PC: variants seen among roughly 807,000 people sequenced by gnomAD.
The protein encoded by PC is pyruvate carboxylase.
In PC, 46 loss-of-function variants were observed where a neutral mutation model predicts 107.8. The observed-to-expected ratio is 0.43, with a 90% CI of 0.34 to 0.55. The LOEUF (loss-of-function observed/expected upper bound fraction) is 0.55, where lower values mean the gene tolerates loss of function less well. Among genes scored for constraint, PC ranks in the 20% least tolerant of loss-of-function variants. The probability of loss-of-function intolerance (pLI) is 0.04; values close to 1 mark genes in which losing one functional copy is unlikely to be tolerated. For synonymous variants in PC, 662 were observed against 684.7 expected, an observed-to-expected ratio of 0.97 and a Z score of 0.52; for missense variants, 1,241 against 1,643.1, an observed-to-expected ratio of 0.76 and a Z score of 4.23.
chr11:66,868,394 T>C (rs1381853410), intron 10 of PC, among the ~76,000 whole-genome samples: 1 of 152,260 alleles, frequency 6.6e-6, no homozygotes, highest in Non-Finnish European at 1.5e-5. Flanking sequence ...ATTTGAAAAG[T>C]AGAATAAAAA....
intron 12 of PC, among the ~76,000 whole-genome samples, chr11:66,855,984 G>A (rs1945787473): frequency 6.6e-6 from 1 of 152,154 alleles, no homozygotes; most frequent in Non-Finnish European, 1.5e-5. Flanking sequence ...GATGGCTGAG[G>A]TTTAGGTGGC....
chr11:66,957,760 G>A (rs1949601262), intron 1 of PC: 1 of 152,308 alleles, frequency 6.6e-6, no homozygotes, highest in Non-Finnish European at 1.5e-5. Flanking sequence ...AGCGGCCTTG[G>A]GCGAATCACT....
chr11:66,914,348 C>G, intron 3 of PC, among the ~76,000 whole-genome samples: 1 of 151,996 alleles, frequency 6.6e-6, no homozygotes, highest in African/African-American at 2.4e-5. Context: ...CCCGTCTCTA[C>G]TAAAAATACA....
chr11:66,858,012 C>T lies in PC; in HGVS notation c.1369-4629G>A, dbSNP rs1047561616. On this transcript the variant is annotated intron_variant, in intron 12 of 22. Coordinates refer to ENST00000393960, the MANE Select transcript of PC (RefSeq NM_001040716.2). The surrounding 1 kb of genome is among the most constrained non-coding windows in gnomAD (Gnocchi z 5.9). ...CAATGCCATCACCCGCATTGGGGCC[C>T]GCGCCTTTGGGGACCTCGAGAGCCT... The T allele has an allele frequency of 1.2e-6, 2 of 1,612,286 alleles. No homozygotes were observed. Among genetic ancestry groups the T allele is most frequent in the Non-Finnish European group, 1.7e-6 (2 of 1,179,946 alleles).
chr11:66,888,332 G>T (rs1947448283), intron 3 of PC, among the ~76,000 whole-genome samples: 1 of 152,260 alleles, frequency 6.6e-6, no homozygotes, highest in Non-Finnish European at 1.5e-5. Context: ...TACTAATCCA[G>T]TGGGGGTAAA....
Position 66,858,490 on chromosome 11 carries a change from C to A in PC, c.1369-5107G>T. 1 of 1,538,538 alleles carries A rather than the reference C, an allele frequency of 6.5e-7. No homozygotes were observed. ...GAGCTGCTGTGGCTGCGGCGGCTGG[C>A]GCGGCCGGACGACCTGGAAACGTGC... On this transcript the variant is annotated intron_variant, in intron 12 of 22. Coordinates refer to ENST00000393960, the MANE Select transcript of PC (RefSeq NM_001040716.2). The surrounding 1 kb of genome is among the most constrained non-coding windows in gnomAD (Gnocchi z 5.9).
chr11:66,850,502 G>A, intron 18 of PC, 38 bp from the exon 19 acceptor site: 6 of 1,613,304 alleles, frequency 3.7e-6, no homozygotes, highest in South Asian at 1.1e-5. Context: ...CCTTAGAAAT[G>A]TGTGACTCTT....
At chr11:66,889,896 T>A (rs1947504406) in intron 3 of PC, among the ~76,000 whole-genome samples, 1 of 143,524 alleles carries the variant, frequency 7.0e-6, no homozygotes, top group African/African-American at 2.5e-5. Context: ...ATTTTTTTCA[T>A]AAATGATATA....
chr11:66,913,510 A>C (rs1302595966), intron 3 of PC, among the ~76,000 whole-genome samples: 5 of 151,640 alleles, frequency 3.3e-5, no homozygotes, highest in African/African-American at 1.2e-4. Context: ...TCTCTACTAA[A>C]AAAATACAAA....
chr11:66,866,395 A>G lies in PC; in HGVS notation c.1023-46T>C, dbSNP rs1310400109. On this transcript the variant is annotated intron_variant, in intron 10 of 22. Transcript: ENST00000393960. The surrounding 1 kb of genome is among the most constrained non-coding windows in gnomAD (Gnocchi z 5.4). ...GGGGGAAAGGACGGGAGAAAGGGGG[A>G]AACATGAGGCGGGGGATAGACGAGG... 5 of 1,385,202 alleles carry G rather than the reference A, an allele frequency of 3.6e-6. No homozygotes were observed. The South Asian group carries it at 5.9e-5, about 16-fold the overall frequency. The allele number at this position is 1,385,202 out of a possible 1,614,324, so 85.8% of individuals were successfully genotyped here. A position where few individuals can be genotyped will look rare whatever the true frequency, so the allele number is the denominator to read the frequency against.
chr11:66,939,804 C>CAAAAAATAAAAAAAAACCAAA (rs1949080392), intron 3 of PC, among the ~76,000 whole-genome samples: 1 of 40,162 alleles, frequency 2.5e-5, no homozygotes, highest in Non-Finnish European at 4.2e-5. Flanking sequence ...AACTCCGTCT[C>CAAAAAATAAAAAAAAACCAAA]AAAAAAAAAA....
intron 3 of PC, among the ~76,000 whole-genome samples, chr11:66,883,495 CTCTGTCCTTG>C (rs1206811891): frequency 2.6e-5 from 4 of 152,184 alleles, no homozygotes; most frequent in Non-Finnish European, 4.4e-5. Flanking sequence ...CCTCCCTCAG[CTCTGTCCTTG>C]TCTGTGCCCC....
chr11:66,863,975 G>T lies in PC; in HGVS notation c.1186-19C>A. 6.2e-7 allele frequency: 1 copy of T among 1,613,150 alleles called. No homozygotes were observed. Among genetic ancestry groups the T allele is most frequent in the Admixed American group, 1.7e-5 (1 of 60,034 alleles). ...GGAACACCTGTGGGAAGGGTGAGGC[G>T]TGAGGACCTGCGCCAGAAACTGCGG... On this transcript the variant is annotated intron_variant, in intron 11 of 22. Transcript: ENST00000393960.
At chr11:66,901,500 C>T (rs763422014) in intron 3 of PC, among the ~76,000 whole-genome samples, 1 of 152,028 alleles carries the variant, frequency 6.6e-6, no homozygotes, top group African/African-American at 2.4e-5. Flanking sequence ...GACAGAGTCC[C>T]GCTCTGTCAC....
intron 1 of PC, among the ~76,000 whole-genome samples, chr11:66,955,340 T>G (rs1565310730): frequency 6.6e-6 from 1 of 152,052 alleles, no homozygotes; most frequent in East Asian, 1.9e-4. Context: ...TCACAGTGCC[T>G]GGGGCACTGG....
intron 3 of PC, among the ~76,000 whole-genome samples, chr11:66,893,915 TC>T (rs1947660216): frequency 6.6e-6 from 1 of 151,760 alleles, no homozygotes; most frequent in Non-Finnish European, 1.5e-5. Context: ...CTTTAGCTCT[TC>T]CCCTCCCTCA....
At chr11:66,954,790 A>G (rs987501293) in intron 1 of PC, among the ~76,000 whole-genome samples, 3 of 152,148 alleles carry the variant, frequency 2.0e-5, no homozygotes, top group Non-Finnish European at 4.4e-5. Context: ...CTAAAGATAC[A>G]AAAATTAGCC....
chr11:66,862,245 G>C (rs1397650441), intron 12 of PC, among the ~76,000 whole-genome samples: 1 of 152,204 alleles, frequency 6.6e-6, no homozygotes, highest in Non-Finnish European at 1.5e-5. Flanking sequence ...CAGGGAGGCT[G>C]AGAGGCTCCC....
chr11:66,924,999 A>G (rs1948680244), intron 3 of PC, among the ~76,000 whole-genome samples: 1 of 152,210 alleles, frequency 6.6e-6, no homozygotes, highest in Non-Finnish European at 1.5e-5. Context: ...CCCCCCAGCC[A>G]TAAAACCAGC....
Sources: allele counts gnomAD v4.1 joint callset (sites outside exome capture counted in the v4.1 genomes callset), GRCh38; gene constraint gnomAD v4.1.1; non-coding constraint Gnocchi (gnomAD v3.1); transcripts MANE v1.5; gene names NCBI Gene and HGNC (gene_info 2026-07-23, HGNC 2026-07-21).